Variants in PELI1 observed in about 807,000 individuals in gnomAD.
PELI1 encodes the protein E3 ubiquitin-protein ligase pellino homolog 1.
Under a neutral mutation model 41.3 loss-of-function variants are expected in PELI1, and 15 were observed. The observed-to-expected ratio is 0.36, with a 90% CI of 0.24 to 0.56. The LOEUF (loss-of-function observed/expected upper bound fraction) is 0.56. Among genes scored for constraint, PELI1 ranks in the 20% least tolerant of loss-of-function variants. PELI1 has a pLI of 0.82. For synonymous variants in PELI1, 178 were observed against 180.1 expected (o/e 0.99, Z 0.09); for missense variants, 403 against 525.5 (o/e 0.77, Z 2.28).
At chr2:64,114,981 T>C (rs1680942496) in intron 1 of PELI1, among the ~76,000 whole-genome samples, 1 of 152,200 alleles carries the variant, frequency 6.6e-6, no homozygotes, top group Admixed American at 6.5e-5. Flanking sequence ...ATTATACTGA[T>C]ACTGATAATA....
chr2:64,099,408 C>G, intron 4 of PELI1, among the ~76,000 whole-genome samples: 1 of 151,984 alleles, frequency 6.6e-6, no homozygotes, highest in East Asian at 1.9e-4. Flanking sequence ...GCTTTGTGTT[C>G]GGTTTTTCTT....
At chr2:64,097,440 T>TA (rs1240278527) in intron 4 of PELI1, among the ~76,000 whole-genome samples, 1 of 152,254 alleles carries the variant, frequency 6.6e-6, no homozygotes, top group East Asian at 1.9e-4. Flanking sequence ...TTCTTAGGGA[T>TA]ATTTCAGAGA....
chr2:64,104,804 T>A lies in PELI1; in HGVS notation c.98A>T (p.Asp33Val). 6.2e-7 allele frequency: 1 copy of A among 1,613,424 alleles called. No homozygotes were observed. Among genetic ancestry groups the A allele is most frequent in the Admixed American group, 1.7e-5 (1 of 59,948 alleles). ...LGYNGSLPNG[D>V]RGRRKSRFAL... is the part of the protein sequence containing the mutation. ...AAACCTACTTTTCCTCCTTCCTCTA[T>A]CGCCATTTGGGAGAGACCCATTATA... The change falls in exon 3 of 7, where the codon GAT (aspartate) becomes GTT (valine). Residue 33 changes from aspartate to valine, a missense_variant. By Grantham distance (152) the Asp-to-Val change is radical. Transcript: ENST00000358912.
intron 3 of PELI1, 189 bp downstream of exon 3, chr2:64,104,512 T>TA: frequency 1.2e-6 from 1 of 826,470 alleles, no homozygotes; most frequent in Non-Finnish European, 1.6e-6. Context: ...ATTTTTTTTT[T>TA]AAAAGTCCAA....
Position 64,094,955 on chromosome 2 carries a change from A to G in PELI1, c.1004T>C (p.Met335Thr). The G allele has an allele frequency of 6.2e-7, 1 of 1,614,190 alleles. No individual in the cohort carries two copies. ...AACATAGGGACCAACAGACCTACAC[A>G]TAGGACATTCACGATCTTTTCCATC... ...ERDGKDRECP[M>T]CRSVGPYVPL... The change falls in exon 7 of 7, where the codon ATG becomes ACG. Residue 335 changes from methionine (M) to threonine (T), a missense_variant. Met to Thr is a moderately conservative substitution (Grantham distance 81, BLOSUM62 -1). Coordinates refer to ENST00000358912, the MANE Select transcript of PELI1 (RefSeq NM_020651.4).
chr2:64,142,562 C>T (rs17028513), intron 1 of PELI1, among the ~76,000 whole-genome samples: 3,456 of 152,200 alleles, frequency 0.023, 111 homozygotes, highest in African/African-American at 0.077. Flanking sequence ...GAGTTAAAGA[C>T]TTTTCCCCAG....
At chr2:64,142,387 A>C (rs368594237) in intron 1 of PELI1, among the ~76,000 whole-genome samples, 1 of 152,176 alleles carries the variant, frequency 6.6e-6, no homozygotes, top group East Asian at 1.9e-4. Context: ...TACAAAATTA[A>C]ATTTAAGAGA....
intron 1 of PELI1, among the ~76,000 whole-genome samples, chr2:64,131,928 G>A (rs1482804205): frequency 2.0e-5 from 3 of 152,132 alleles, no homozygotes; most frequent in South Asian, 2.1e-4. Flanking sequence ...GCCAGAAACA[G>A]TAATCTCTAC....
In PELI1 at chr2:64,108,332, A is replaced by G. The variant is rs376681780; in HGVS notation, c.-22T>C. 55 of 1,525,358 alleles carry G rather than the reference A, an allele frequency of 3.6e-5. No individual in the cohort carries two copies. The African/African-American group carries it at 7.1e-4, about 20-fold the overall frequency. The allele number at this position is 1,525,358 out of a possible 1,614,324, so 94.5% of individuals were successfully genotyped here. On this transcript the variant is annotated 5_prime_UTR_variant, in exon 2 of 7. Coordinates refer to ENST00000358912, the MANE Select transcript of PELI1 (RefSeq NM_020651.4). ...ACATGAGCTTGGCTGTCTTTCTCAAATCTTTGTTCACTGGTCAGGAGCCTT... is the reference window on the plus strand; with the variant it reads ...ACATGAGCTTGGCTGTCTTTCTCAAGTCTTTGTTCACTGGTCAGGAGCCTT...
chr2:64,095,057 T>A lies in PELI1; in HGVS notation c.902A>T (p.Asp301Val), dbSNP rs1680183733. 6.2e-7 allele frequency: 1 copy of A among 1,614,250 alleles called. No individual in the cohort carries two copies. Among genetic ancestry groups the A allele is most frequent in the African/African-American group, 1.3e-5 (1 of 75,072 alleles). The change falls in exon 7 of 7, where the codon GAT (aspartate) becomes GTT (valine). Residue 301 changes from aspartate to valine, a missense_variant. Physicochemically the swap from Asp to Val is radical, Grantham distance 152. Coordinates refer to ENST00000358912, the MANE Select transcript of PELI1 (RefSeq NM_020651.4). ...TAGATATACCCATGGTTGTTTTTCATCTACAACGTCTTTCCTCTTCATACT... is the reference window on the plus strand; with the variant it reads ...TAGATATACCCATGGTTGTTTTTCAACTACAACGTCTTTCCTCTTCATACT... ...FPSMKRKDVVDEKQPWVYLNC... is the reference protein window; with the variant it reads ...FPSMKRKDVVVEKQPWVYLNC...
intron 1 of PELI1, among the ~76,000 whole-genome samples, chr2:64,129,722 TATTA>T (rs1271612167): frequency 6.6e-6 from 1 of 152,204 alleles, no homozygotes; most frequent in Non-Finnish European, 1.5e-5. Flanking sequence ...CAAACCCTCC[TATTA>T]TTTATAAAAC....
chr2:64,097,386 A>G (rs957747721), intron 4 of PELI1, among the ~76,000 whole-genome samples: 1 of 152,260 alleles, frequency 6.6e-6, no homozygotes, highest in Non-Finnish European at 1.5e-5. Context: ...GAATTTCACT[A>G]CATCAACTTT....
At chr2:64,121,885 A>G (rs7575383) in intron 1 of PELI1, among the ~76,000 whole-genome samples, 34,567 of 150,916 alleles carry the variant, frequency 0.23, 5,120 homozygotes, top group East Asian at 0.74. Context: ...AGCCTGGACA[A>G]CAAGAGCAAA....
chr2:64,121,272 T>A (rs1681200868), intron 1 of PELI1, among the ~76,000 whole-genome samples: 1 of 152,202 alleles, frequency 6.6e-6, no homozygotes. Context: ...CATGACAAAT[T>A]TAATATTCAT....
intron 1 of PELI1, among the ~76,000 whole-genome samples, chr2:64,141,718 C>G (rs1346146871): frequency 6.6e-6 from 1 of 152,198 alleles, no homozygotes; most frequent in Non-Finnish European, 1.5e-5. Context: ...CATCCTTTGG[C>G]TTCCCCTTTG....
chr2:64,101,263 A>G (rs1212710902), intron 3 of PELI1, among the ~76,000 whole-genome samples: 2 of 152,052 alleles, frequency 1.3e-5, no homozygotes, highest in Non-Finnish European at 2.9e-5. Flanking sequence ...AATGTTGGCC[A>G]TATGCTGGGT....
chr2:64,140,665 C>A (rs1558490065), intron 1 of PELI1, among the ~76,000 whole-genome samples: 1 of 151,758 alleles, frequency 6.6e-6, no homozygotes, highest in Non-Finnish European at 1.5e-5. Context: ...TGTGCTTTCT[C>A]TTTATTACCT....
At chr2:64,096,084 G>A (rs1680224269) in intron 6 of PELI1, 41 bp downstream of exon 6, 1 of 1,393,068 alleles carries the variant, frequency 7.2e-7, no homozygotes, top group African/African-American at 1.4e-5. Flanking sequence ...CATCCTATGT[G>A]TTTATTGTAG....
At chr2:64,118,288 A>G (rs748006726) in intron 1 of PELI1, among the ~76,000 whole-genome samples, 5 of 152,202 alleles carry the variant, frequency 3.3e-5, no homozygotes, top group Non-Finnish European at 7.3e-5. Context: ...TAGGTAAATT[A>G]TTATGAACAA....
Sources: allele counts gnomAD v4.1 joint callset (sites outside exome capture counted in the v4.1 genomes callset), GRCh38; gene constraint gnomAD v4.1.1; transcripts MANE v1.5; gene names NCBI Gene and HGNC (gene_info 2026-07-23, HGNC 2026-07-21).